Variants in SMYD3 observed in about 807,000 individuals in gnomAD.
SMYD3 encodes SET and MYND domain containing 3, also known as histone-lysine N-methyltransferase SMYD3.
A neutral mutation model predicts 57.7 loss-of-function variants in SMYD3; 36 were observed. That is an observed-to-expected ratio of 0.62 (90% CI 0.48 to 0.82). The LOEUF is 0.82. Among genes scored for constraint, SMYD3 ranks in the 40% least tolerant of loss-of-function variants. The probability of loss-of-function intolerance (pLI) is 0.00; values close to 1 mark genes in which losing one functional copy is unlikely to be tolerated. For missense variants in SMYD3, 515 were observed against 538.8 expected (o/e 0.96, Z 0.44); for synonymous variants, 211 against 195.0 (o/e 1.08, Z -0.68).
chr1:246,358,151 A>T (rs1206724570), intron 1 of SMYD3, among the ~76,000 whole-genome samples: 1 of 152,166 alleles, frequency 6.6e-6, no homozygotes, highest in Non-Finnish European at 1.5e-5. Flanking sequence ...CACCAAAAGT[A>T]AGCAGGAGTA....
chr1:245,921,202 G>T (rs542755115), intron 7 of SMYD3, among the ~76,000 whole-genome samples: 2 of 152,258 alleles, frequency 1.3e-5, no homozygotes, highest in South Asian at 4.2e-4. Flanking sequence ...ACTAATCAGA[G>T]AAATGCAAAT....
chr1:246,349,402 C>A (rs993149269), intron 2 of SMYD3, among the ~76,000 whole-genome samples: 1 of 151,786 alleles, frequency 6.6e-6, no homozygotes, highest in Non-Finnish European at 1.5e-5. Context: ...CTTAGGAGTT[C>A]GAGACCAGCC....
intron 2 of SMYD3, among the ~76,000 whole-genome samples, chr1:246,346,135 T>A (rs1163860742): frequency 2.6e-5 from 4 of 151,990 alleles, no homozygotes; most frequent in Admixed American, 2.6e-4. Context: ...ATACAAAAAA[T>A]TAGCCGGGCG....
chr1:246,476,419 T>C (rs549742542), intron 1 of SMYD3, among the ~76,000 whole-genome samples: 1 of 152,338 alleles, frequency 6.6e-6, no homozygotes, highest in South Asian at 2.1e-4. Flanking sequence ...AAATGTAGAT[T>C]CTGAGTTAAG....
At chr1:246,282,305 C>CAAAAAAAAAAAAAAAAAAAAA (rs57740230) in intron 5 of SMYD3, among the ~76,000 whole-genome samples, 8 of 67,932 alleles carry the variant, frequency 1.2e-4, no homozygotes, top group Admixed American at 2.4e-4. Flanking sequence ...CTCATCTCTA[C>CAAAAAAAAAAAAAAAAAAAAA]AAAAAAAAAA....
chr1:245,994,465 G>A (rs2148125634), intron 5 of SMYD3, among the ~76,000 whole-genome samples: 1 of 152,270 alleles, frequency 6.6e-6, no homozygotes, highest in Admixed American at 6.5e-5. Context: ...GAGACGCTGT[G>A]AGAGTTACTC....
At chr1:245,941,159 G>A (rs1227629980) in intron 5 of SMYD3, among the ~76,000 whole-genome samples, 1 of 152,000 alleles carries the variant, frequency 6.6e-6, no homozygotes, top group East Asian at 1.9e-4. Context: ...AAGAACTATT[G>A]GTTTATATAA....
chr1:246,336,169 A>AC (rs2065540948), intron 2 of SMYD3, among the ~76,000 whole-genome samples: 1 of 152,148 alleles, frequency 6.6e-6, no homozygotes, highest in Non-Finnish European at 1.5e-5. Flanking sequence ...GGCTAAAGAG[A>AC]CCATTGAGTC....
Position 245,773,691 on chromosome 1 carries a change from C to T in SMYD3, c.1077-9542G>A, listed in dbSNP as rs144959435. Among the ~76,000 whole-genome samples, 419 of 152,300 alleles carry T rather than the reference C, an allele frequency of 2.8e-3. 3 individuals are homozygous for T. Among genetic ancestry groups the T allele is most frequent in the Middle Eastern group, 0.014 (4 of 294 alleles). ...TTTTAGAGTGTGAAACATTTGATGA[C>T]ATCTTGAAGGATTTCAAAAAGGCTG... On this transcript the variant is annotated intron_variant, in intron 10 of 11. Transcript: ENST00000490107.
intron 2 of SMYD3, among the ~76,000 whole-genome samples, chr1:246,342,379 T>C (rs2065646386): frequency 6.6e-6 from 1 of 152,196 alleles, no homozygotes; most frequent in Non-Finnish European, 1.5e-5. Context: ...CAGTTTTCCA[T>C]TTACATCCAG....
rs80257351 is a variant in SMYD3 at position 246,165,155 on chromosome 1, T to G, written c.531+162046A>C. Among the ~76,000 whole-genome samples the G allele has an allele frequency of 1.6e-3, 244 of 152,310 alleles. 1 individual carries two copies. Among genetic ancestry groups the G allele is most frequent in the African/African-American group, 5.4e-3 (226 of 41,560 alleles). ...AGAGTATCCGGAGGATTGAGCAACA[T>G]GGAGATTGCTGCTCATCGCAACTAC... On this transcript the variant is annotated intron_variant, in intron 5 of 11. Transcript: ENST00000490107.
In SMYD3 at chr1:245,770,392, G is replaced by A. The variant is rs188302859; in HGVS notation, c.1077-6243C>T. 2.3e-3 allele frequency among the ~76,000 whole-genome samples: 344 copies of A among 152,308 alleles called. 2 individuals carry two copies. Among genetic ancestry groups the A allele is most frequent in the Admixed American group, 6.0e-3 (92 of 15,296 alleles). On this transcript the variant is annotated intron_variant, in intron 10 of 11. Coordinates refer to ENST00000490107, the MANE Select transcript of SMYD3 (RefSeq NM_001167740.2). The stretch of plus-strand genomic sequence containing the variant: ...GCTCCAGTAAACATTCCTGGCTTTC[G>A]ACTCTGACCACCAAAGGACTACAAT...
At chr1:246,285,441 T>C (rs1032940377) in intron 5 of SMYD3, among the ~76,000 whole-genome samples, 1 of 152,072 alleles carries the variant, frequency 6.6e-6, no homozygotes, top group African/African-American at 2.4e-5. Context: ...GCAAGCCACA[T>C]GCAGGAGAAT....
intron 1 of SMYD3, among the ~76,000 whole-genome samples, chr1:246,402,356 G>T (rs1572465461): frequency 1.4e-5 from 1 of 69,956 alleles, no homozygotes; most frequent in East Asian, 3.6e-4. Flanking sequence ...GTCTCGATCA[G>T]CTAAAATGAT....
intron 2 of SMYD3, among the ~76,000 whole-genome samples, chr1:246,350,338 G>A (rs187834589): frequency 3.9e-5 from 6 of 152,284 alleles, no homozygotes; most frequent in African/African-American, 1.4e-4. Context: ...CCAGGACTTA[G>A]AGCATAATAA....
intron 1 of SMYD3, among the ~76,000 whole-genome samples, chr1:246,413,162 G>T (rs2067004480): frequency 6.6e-6 from 1 of 152,130 alleles, no homozygotes; most frequent in African/African-American, 2.4e-5. Flanking sequence ...ACTGTGCTAA[G>T]TATCTCATTT....
intron 1 of SMYD3, among the ~76,000 whole-genome samples, chr1:246,433,806 G>A (rs2067332284): frequency 6.6e-6 from 1 of 152,080 alleles, no homozygotes; most frequent in South Asian, 2.1e-4. Flanking sequence ...GAGCCCAAAG[G>A]ATTGCCCAAG....
chr1:246,443,165 C>T (rs2067496935), intron 1 of SMYD3, among the ~76,000 whole-genome samples: 1 of 152,170 alleles, frequency 6.6e-6, no homozygotes, highest in Admixed American at 6.5e-5. Context: ...AAATTTTCCT[C>T]AACCTCCTCT....
chr1:245,803,750 C>T (rs542726123), intron 10 of SMYD3, among the ~76,000 whole-genome samples: 1 of 152,256 alleles, frequency 6.6e-6, no homozygotes, highest in East Asian at 1.9e-4. Flanking sequence ...ACAAACCTAT[C>T]AGCTTAAGAA....
Sources: allele counts gnomAD v4.1 joint callset (sites outside exome capture counted in the v4.1 genomes callset), GRCh38; gene constraint gnomAD v4.1.1; transcripts MANE v1.5; gene names NCBI Gene and HGNC (gene_info 2026-07-23, HGNC 2026-07-21).